Variants in PRKG1 observed in about 807,000 individuals in gnomAD.
The protein encoded by PRKG1 is protein kinase cGMP-dependent 1, also known as cGMP-dependent protein kinase 1.
Under a neutral mutation model 88.1 loss-of-function variants are expected in PRKG1, and 35 were observed. That is an observed-to-expected ratio of 0.40 (90% CI 0.30 to 0.53). PRKG1 has a LOEUF of 0.53. Among genes scored for constraint, PRKG1 ranks in the 20% least tolerant of loss-of-function variants. PRKG1 has a pLI of 0.59. For missense variants in PRKG1, 540 were observed against 839.8 expected (o/e 0.64, Z 4.41); for synonymous variants, 303 against 292.5 (o/e 1.04, Z -0.37).
intron 8 of PRKG1, among the ~76,000 whole-genome samples, chr10:52,139,131 T>C (rs1903990): frequency 1 from 151,983 of 152,214 alleles, 75,876 homozygotes; most frequent in Middle Eastern, 1. Flanking sequence ...TATATTTATT[T>C]ATAGAGAAAG....
intron 7 of PRKG1, among the ~76,000 whole-genome samples, chr10:52,107,353 A>G (rs1015799747): frequency 1.3e-5 from 2 of 152,206 alleles, no homozygotes; most frequent in Non-Finnish European, 2.9e-5. Flanking sequence ...CTGTATTTTA[A>G]TTGCTAAACA....
chr10:51,491,523 A>G (rs1208449907), intron 3 of PRKG1, among the ~76,000 whole-genome samples: 1 of 152,154 alleles, frequency 6.6e-6, no homozygotes, highest in Non-Finnish European at 1.5e-5. Context: ...GCTGAGAGCT[A>G]GGGAAAGTCA....
intron 4 of PRKG1, among the ~76,000 whole-genome samples, chr10:51,806,611 G>A (rs991437617): frequency 1.3e-5 from 2 of 152,172 alleles, no homozygotes; most frequent in African/African-American, 2.4e-5. Flanking sequence ...TGGGCCGGGA[G>A]TCCAGAGAGG....
At chr10:51,566,513 G>T (rs530667834) in intron 3 of PRKG1, among the ~76,000 whole-genome samples, 13 of 152,192 alleles carry the variant, frequency 8.5e-5, no homozygotes, top group African/African-American at 3.1e-4. Context: ...TAGCTTTCTA[G>T]TAGATTATAT....
intron 2 of PRKG1, among the ~76,000 whole-genome samples, chr10:51,175,173 G>A (rs1386463610): frequency 2.0e-5 from 1 of 49,604 alleles, no homozygotes; most frequent in African/African-American, 8.2e-5. Flanking sequence ...CTAAGCTGTA[G>A]TCAGTATGTG....
chr10:51,363,216 C>CA (rs748036560), intron 2 of PRKG1, among the ~76,000 whole-genome samples: 1,919 of 116,850 alleles, frequency 0.016, 19 homozygotes, highest in African/African-American at 0.04. Flanking sequence ...CAATCCTAGT[C>CA]AAAAAAAAAA....
chr10:51,612,983 G>A (rs1017239485), intron 3 of PRKG1, among the ~76,000 whole-genome samples: 9 of 151,836 alleles, frequency 5.9e-5, no homozygotes, highest in African/African-American at 1.9e-4. Flanking sequence ...TGATCATGAC[G>A]TATTATCTTT....
At chr10:51,727,632 G>A (rs1347699984) in intron 3 of PRKG1, among the ~76,000 whole-genome samples, 5 of 152,190 alleles carry the variant, frequency 3.3e-5, no homozygotes, top group Middle Eastern at 6.8e-3. Flanking sequence ...TGAACAGAGA[G>A]GCAGTACCTT....
intron 3 of PRKG1, among the ~76,000 whole-genome samples, chr10:51,666,432 C>T (rs887413400): frequency 1.3e-5 from 2 of 152,192 alleles, no homozygotes; most frequent in African/African-American, 2.4e-5. Flanking sequence ...GGTTTGAGAA[C>T]TAAAAGTGAG....
chr10:51,627,954 C>CTTT (rs1189835155), intron 3 of PRKG1, among the ~76,000 whole-genome samples: 1 of 15,574 alleles, frequency 6.4e-5, no homozygotes, highest in Non-Finnish European at 1.9e-4. Flanking sequence ...TTCTTTCTTT[C>CTTT]TTTCTTTCTT....
chr10:52,072,158 C>CTTTTTTTTTTTTTTTTTTTTTTTTTT (rs60576406), intron 7 of PRKG1, among the ~76,000 whole-genome samples: 31 of 39,558 alleles, frequency 7.8e-4, no homozygotes, highest in African/African-American at 1.0e-3. Context: ...TATTGTTTTG[C>CTTTTTTTTTTTTTTTTTTTTTTTTTT]TTTTTTTTTT....
At chr10:51,616,826 G>T (rs746772473) in intron 3 of PRKG1, among the ~76,000 whole-genome samples, 1 of 152,084 alleles carries the variant, frequency 6.6e-6, no homozygotes, top group Non-Finnish European at 1.5e-5. Context: ...TAAGTTGGTG[G>T]GTGGGAACAT....
chr10:52,046,510 T>G (rs1246165234), intron 5 of PRKG1, among the ~76,000 whole-genome samples: 1 of 151,656 alleles, frequency 6.6e-6, no homozygotes, highest in Non-Finnish European at 1.5e-5. Flanking sequence ...TATAGGTATA[T>G]CATGATTACA....
intron 2 of PRKG1, among the ~76,000 whole-genome samples, chr10:51,348,803 T>C (rs1332048770): frequency 1.3e-5 from 2 of 152,228 alleles, no homozygotes; most frequent in African/African-American, 4.8e-5. Context: ...GTGTACTGCA[T>C]CCATTCTTCA....
At chr10:51,274,405 TAAA>T (rs1840061320) in intron 2 of PRKG1, among the ~76,000 whole-genome samples, 1 of 152,146 alleles carries the variant, frequency 6.6e-6, no homozygotes. Context: ...TACTGCACAC[TAAA>T]AAATTGCCCT....
In PRKG1 at chr10:52,257,355, GT is replaced by G. The variant is rs1841333038; in HGVS notation, c.1173+5690del. Among the ~76,000 whole-genome samples, 2 of 139,568 alleles carry G rather than the reference GT, an allele frequency of 1.4e-5. 1 individual carries two copies. The highest frequency in any genetic ancestry group is 3.2e-5 in the Non-Finnish European group (2 of 61,702). 91.6% of individuals were successfully genotyped at this position (139,568 alleles called of 152,430 possible). ...TTGAAAAAAAAATAGAAACTAAGAG[GT>G]GATTAAGCAAGAAGTTAGGTGATAA... On this transcript the variant is annotated intron_variant, in intron 10 of 17. Coordinates refer to ENST00000373980, the MANE Select transcript of PRKG1 (RefSeq NM_006258.4).
chr10:51,613,492 T>A (rs1838966003), intron 3 of PRKG1, among the ~76,000 whole-genome samples: 1 of 151,828 alleles, frequency 6.6e-6, no homozygotes, highest in Non-Finnish European at 1.5e-5. Context: ...TTCTTTGTAA[T>A]TTTTTTAGTC....
intron 1 of PRKG1, among the ~76,000 whole-genome samples, chr10:50,997,726 A>G (rs1842850279): frequency 6.6e-6 from 1 of 152,212 alleles, no homozygotes; most frequent in African/African-American, 2.4e-5. Context: ...TTTCACAAAA[A>G]TGAAAGCTCA....
chr10:51,026,981 T>G (rs1285683419), intron 1 of PRKG1, among the ~76,000 whole-genome samples: 1 of 152,204 alleles, frequency 6.6e-6, no homozygotes, highest in Non-Finnish European at 1.5e-5. Flanking sequence ...TAATCAAATC[T>G]ATATCTGTCA....
Sources: allele counts gnomAD v4.1 joint callset (sites outside exome capture counted in the v4.1 genomes callset), GRCh38; gene constraint gnomAD v4.1.1; transcripts MANE v1.5; gene names NCBI Gene and HGNC (gene_info 2026-07-23, HGNC 2026-07-21).